PPP3CA: variants seen among roughly 807,000 people sequenced by gnomAD.
The protein encoded by PPP3CA is CAM-PRP catalytic subunit.
Under a neutral mutation model 66.5 loss-of-function variants are expected in PPP3CA, and 14 were observed. The observed-to-expected ratio is 0.21, with a 90% confidence interval of 0.14 to 0.33. PPP3CA has a LOEUF of 0.33. PPP3CA is among the 10% of genes least tolerant of loss of function. The probability of loss-of-function intolerance (pLI) is 1.00; values close to 1 mark genes in which losing one functional copy is unlikely to be tolerated. For missense variants in PPP3CA, 317 were observed against 639.5 expected (o/e 0.50, Z 5.44); for synonymous variants, 232 against 226.2 (o/e 1.03, Z -0.23).
chr4:101,181,284 C>T (rs561363640), intron 2 of PPP3CA, among the ~76,000 whole-genome samples: 1 of 151,926 alleles, frequency 6.6e-6, no homozygotes, highest in South Asian at 2.1e-4. Context: ...ATATTATGGG[C>T]ATTTATAAAT....
intron 10 of PPP3CA, among the ~76,000 whole-genome samples, chr4:101,042,160 A>G (rs76306334): frequency 0.018 from 2,667 of 151,460 alleles, 73 homozygotes; most frequent in African/African-American, 0.06. Context: ...AATGGCTAGA[A>G]AAAAGGTCTT....
intron 1 of PPP3CA, among the ~76,000 whole-genome samples, chr4:101,343,779 A>C (rs1021939710): frequency 7.2e-5 from 11 of 152,144 alleles, no homozygotes; most frequent in African/African-American, 2.4e-4. Context: ...GATTCTATAA[A>C]CCTCAAAAAT....
At chr4:101,154,247 C>A (rs936410166) in intron 2 of PPP3CA, among the ~76,000 whole-genome samples, 6 of 152,124 alleles carry the variant, frequency 3.9e-5, no homozygotes, top group African/African-American at 7.2e-5. Context: ...AAGTTTACCA[C>A]CATGAAATAT....
chr4:101,086,252 G>A (rs926567629), intron 6 of PPP3CA, among the ~76,000 whole-genome samples: 3 of 152,008 alleles, frequency 2.0e-5, no homozygotes, highest in African/African-American at 7.3e-5. Flanking sequence ...AGAGAATGAC[G>A]TATGCAGATT....
chr4:101,319,590 G>A (rs2850371), intron 1 of PPP3CA, among the ~76,000 whole-genome samples: 67,095 of 151,884 alleles, frequency 0.44, 17,426 homozygotes, highest in African/African-American at 0.72. Context: ...TATGAAATTG[G>A]CAGTACTTCC....
chr4:101,055,432 GA>G (rs1405851155), intron 10 of PPP3CA, among the ~76,000 whole-genome samples: 1 of 152,016 alleles, frequency 6.6e-6, no homozygotes, highest in Non-Finnish European at 1.5e-5. Flanking sequence ...ATAAGAAGTG[GA>G]AACAGGAAAC....
chr4:101,044,630 C>A (rs1057268032), intron 10 of PPP3CA, among the ~76,000 whole-genome samples: 2 of 152,030 alleles, frequency 1.3e-5, no homozygotes, highest in Non-Finnish European at 2.9e-5. Flanking sequence ...ATAATCACTT[C>A]TTTTTTTGGC....
intron 2 of PPP3CA, among the ~76,000 whole-genome samples, chr4:101,184,693 G>A (rs1724352826): frequency 6.6e-6 from 1 of 152,094 alleles, no homozygotes; most frequent in South Asian, 2.1e-4. Flanking sequence ...CTACTAGACA[G>A]ATTTCCTTCT....
intron 10 of PPP3CA, among the ~76,000 whole-genome samples, chr4:101,052,974 A>T (rs964485576): frequency 6.6e-6 from 1 of 151,934 alleles, no homozygotes; most frequent in African/African-American, 2.4e-5. Context: ...TTAAACACCT[A>T]TATCCTCTGC....
intron 1 of PPP3CA, among the ~76,000 whole-genome samples, chr4:101,282,728 C>A (rs1727724179): frequency 6.6e-6 from 1 of 152,140 alleles, no homozygotes; most frequent in African/African-American, 2.4e-5. Context: ...CCTGAGCCTG[C>A]TGAGATGCAG....
intron 1 of PPP3CA, among the ~76,000 whole-genome samples, chr4:101,269,552 A>AAGTG: frequency 2.2e-5 from 2 of 89,726 alleles, no homozygotes; most frequent in Non-Finnish European, 5.1e-5. Context: ...CAAACAAGGA[A>AAGTG]CGTGTGTGTG....
chr4:101,036,139 A>G (rs575808281), intron 11 of PPP3CA, among the ~76,000 whole-genome samples: 1 of 152,334 alleles, frequency 6.6e-6, no homozygotes, highest in Admixed American at 6.5e-5. Context: ...TATTGATCAA[A>G]TGTCAAAGTG....
intron 2 of PPP3CA, 43 bp downstream of exon 2, chr4:101,195,873 A>T (rs773217143): frequency 1.9e-6 from 3 of 1,554,910 alleles, no homozygotes; most frequent in Non-Finnish European, 2.6e-6. Context: ...TATAAACAAC[A>T]AAATGTGTAT....
chr4:101,048,484 C>T (rs1727864737), intron 10 of PPP3CA, among the ~76,000 whole-genome samples: 1 of 121,144 alleles, frequency 8.3e-6, no homozygotes, highest in Admixed American at 1.2e-4. Flanking sequence ...CAATGTGAAT[C>T]CAGAGATTGT....
At position 101,246,841 on chromosome 4, in the gene PPP3CA, G is replaced by A. The variant is rs191949483; in HGVS notation, c.59-50725C>T. On this transcript the variant is annotated intron_variant, in intron 1 of 13. Transcript: ENST00000394854. ...CTTAATTAAAGAGTAGTGCTAATGAGGCAAAGGTGAAAAAAACTCATTCTG... is the reference window on the plus strand; with the variant it reads ...CTTAATTAAAGAGTAGTGCTAATGAAGCAAAGGTGAAAAAAACTCATTCTG... 1.1e-3 allele frequency among the ~76,000 whole-genome samples: 163 copies of A among 152,150 alleles called. 1 individual carries two copies. The highest frequency in any genetic ancestry group is 3.8e-3 in the African/African-American group (156 of 41,508).
In PPP3CA at chr4:101,080,597, G is replaced by T; in HGVS notation, c.890C>A (p.Thr297Lys). Reference protein sequence around the residue: ...GYRMYRKSQTTGFPSLITIFS... With the variant: ...GYRMYRKSQTKGFPSLITIFS... ...AATTGTAATTAGAGAAGGGAAGCCT[G>T]TTGTTTGGCTTTTCCTGTACATGCG... The change falls in exon 8 of 14, where the codon ACA becomes AAA. Residue 297 changes from threonine to lysine, a missense_variant. Coordinates refer to ENST00000394854, the MANE Select transcript of PPP3CA (RefSeq NM_000944.5). The T allele has an allele frequency of 6.5e-7, 1 of 1,531,402 alleles. No individual in the cohort carries two copies. The highest frequency in any genetic ancestry group is 1.7e-5 in the Admixed American group (1 of 58,896). 94.9% of individuals were successfully genotyped at this position (1,531,402 alleles called of 1,614,324 possible).
intron 1 of PPP3CA, among the ~76,000 whole-genome samples, chr4:101,244,516 G>T (rs1482100666): frequency 6.6e-6 from 1 of 152,108 alleles, no homozygotes; most frequent in Non-Finnish European, 1.5e-5. Flanking sequence ...AAGCAAGTGA[G>T]AAACAATTTC....
intron 8 of PPP3CA, among the ~76,000 whole-genome samples, chr4:101,076,047 T>A (rs1186448195): frequency 3.3e-5 from 5 of 152,154 alleles, no homozygotes; most frequent in African/African-American, 7.2e-5. Flanking sequence ...ATAATTTTTT[T>A]AAAAATTGAA....
chr4:101,051,098 G>A (rs1256355948), intron 10 of PPP3CA, among the ~76,000 whole-genome samples: 1 of 151,994 alleles, frequency 6.6e-6, no homozygotes, highest in Non-Finnish European at 1.5e-5. Context: ...AAAAAGATGC[G>A]GTTGATAAAA....
Sources: gnomAD v4.1 joint callset for allele counts (sites outside exome capture counted in the v4.1 genomes callset) on GRCh38, gnomAD v4.1.1 for gene constraint, MANE v1.5 for transcripts, NCBI Gene and HGNC (gene_info 2026-07-23, HGNC 2026-07-21) for gene names.